Variants in MTA3 observed in about 807,000 individuals in gnomAD.
MTA3 encodes the protein metastasis associated 1 family member 3, also known as metastasis-associated protein MTA3.
Under a neutral mutation model 83.5 loss-of-function variants are expected in MTA3, and 34 were observed. That is an observed-to-expected ratio of 0.41 (90% CI 0.31 to 0.54). The LOEUF (loss-of-function observed/expected upper bound fraction) is 0.54, where lower values mean the gene tolerates loss of function less well. MTA3 is among the 20% of genes least tolerant of loss of function. The pLI is 0.33. For synonymous variants in MTA3, 303 were observed against 252.7 expected (o/e 1.20, Z -1.89); for missense variants, 761 against 726.4 (o/e 1.05, Z -0.55).
At chr2:42,570,245 A>G (rs1210655846) in intron 1 of MTA3, among the ~76,000 whole-genome samples, 192 bp from the exon 2 acceptor site, 1 of 152,194 alleles carries the variant, frequency 6.6e-6, no homozygotes, top group Non-Finnish European at 1.5e-5. Context: ...TGAAAATGCC[A>G]AGAAAATAAA....
At chr2:42,506,315 G>GT (rs1333014490) in intron 2 of MTA3, among the ~76,000 whole-genome samples, 16 of 151,802 alleles carry the variant, frequency 1.1e-4, no homozygotes, top group Admixed American at 2.6e-4. Context: ...TCTGCATGTG[G>GT]TGGTACTCTA....
intron 16 of MTA3, among the ~76,000 whole-genome samples, chr2:42,732,007 G>A (rs550643947): frequency 6.6e-6 from 1 of 152,342 alleles, no homozygotes; most frequent in East Asian, 1.9e-4. Context: ...GATCTCCTTT[G>A]ACTCCGGGTC....
rs72874017 is a variant in MTA3 at position 42,654,028 on chromosome 2, A to G, written c.500-2172A>G. 5.3e-3 allele frequency among the ~76,000 whole-genome samples: 813 copies of G among 152,340 alleles called. 8 individuals are homozygous for G. Among genetic ancestry groups the G allele is most frequent in the African/African-American group, 0.018 (768 of 41,560 alleles). Reference sequence around the variant, plus strand: ...TTAACTGGTCTTTAAAAATGAACCTAATGTTGAGTGTCTTGTCTTGGCATG... The same window carrying G: ...TTAACTGGTCTTTAAAAATGAACCTGATGTTGAGTGTCTTGTCTTGGCATG... On this transcript the variant is annotated intron_variant, in intron 6 of 16. Transcript: ENST00000405094.
intron 16 of MTA3, among the ~76,000 whole-genome samples, chr2:42,725,370 G>C (rs551701407): frequency 3.3e-5 from 5 of 152,186 alleles, no homozygotes; most frequent in African/African-American, 4.8e-5. Flanking sequence ...GAATCTTCTC[G>C]TTTAACCACT....
chr2:42,732,912 A>G (rs1668334298), intron 16 of MTA3, among the ~76,000 whole-genome samples: 1 of 152,116 alleles, frequency 6.6e-6, no homozygotes, highest in African/African-American at 2.4e-5. Context: ...CCTCATCCCC[A>G]CCTGAGACCA....
chr2:42,729,839 G>C (rs886144527), intron 16 of MTA3, among the ~76,000 whole-genome samples: 1 of 152,150 alleles, frequency 6.6e-6, no homozygotes, highest in African/African-American at 2.4e-5. Context: ...AACATCATTG[G>C]TATTTTGATA....
intron 3 of MTA3, among the ~76,000 whole-genome samples, chr2:42,581,320 C>A (rs79122254): frequency 2.9e-4 from 42 of 144,448 alleles, no homozygotes; most frequent in African/African-American, 9.5e-4. Flanking sequence ...ACAAAGTGTT[C>A]GGATTACAGG....
At chr2:42,587,272 A>G (rs1680449336) in intron 3 of MTA3, among the ~76,000 whole-genome samples, 1 of 152,162 alleles carries the variant, frequency 6.6e-6, no homozygotes, top group Non-Finnish European at 1.5e-5. Flanking sequence ...TGATTGCGCC[A>G]CTGCACTCCA....
chr2:42,592,911 G>A (rs1485124130), intron 3 of MTA3, among the ~76,000 whole-genome samples: 2 of 152,138 alleles, frequency 1.3e-5, no homozygotes, highest in African/African-American at 2.4e-5. Flanking sequence ...ACCACTTGGG[G>A]AGGCTGAGGT....
intron 9 of MTA3, among the ~76,000 whole-genome samples, chr2:42,687,841 G>T (rs1692526139): frequency 1.3e-5 from 2 of 152,148 alleles, no homozygotes; most frequent in African/African-American, 4.8e-5. Flanking sequence ...TGCTGGGACT[G>T]CAGTTGCTCT....
chr2:42,627,973 C>T (rs936038409), intron 4 of MTA3, among the ~76,000 whole-genome samples: 1 of 151,840 alleles, frequency 6.6e-6, no homozygotes, highest in African/African-American at 2.4e-5. Flanking sequence ...CAATCTCCGA[C>T]TCCCGGGTTC....
intron 3 of MTA3, among the ~76,000 whole-genome samples, chr2:42,599,984 C>G (rs1381411086): frequency 4.0e-5 from 6 of 151,498 alleles, no homozygotes; most frequent in African/African-American, 1.5e-4. Flanking sequence ...ATCACGAGGT[C>G]AGGAGATTGA....
rs1188920752 is a variant in MTA3, at chr2:42,756,195, G to C, written c.*2796G>C. The stretch of plus-strand genomic sequence containing the variant: ...CACCAGGGGAGGACGCGTCACCAGA[G>C]CCTGGGGCCAAGGCCACTGGGGGAC... On this transcript the variant is annotated 3_prime_UTR_variant, in exon 17 of 17. Transcript: ENST00000405094. 2 of 253,970 alleles carry C rather than the reference G, an allele frequency of 7.9e-6. No individual in the cohort carries two copies. The highest frequency in any genetic ancestry group is 4.6e-5 in the African/African-American group (2 of 43,348). The allele number at this position is 253,970 out of a possible 1,614,324, so 15.7% of individuals were successfully genotyped here.
intron 5 of MTA3, among the ~76,000 whole-genome samples, chr2:42,640,707 T>G (rs1241937249): frequency 6.6e-6 from 1 of 152,218 alleles, no homozygotes; most frequent in Admixed American, 6.5e-5. Flanking sequence ...AGAAATGTAG[T>G]TAACAAGTTG....
At chr2:42,709,407 A>T (rs3816186) in intron 14 of MTA3, 4 of 759,204 alleles carry the variant, frequency 5.3e-6, no homozygotes, top group Non-Finnish European at 5.3e-6. Context: ...GCCCTTATTG[A>T]AGCACTTTTA....
chr2:42,583,019 A>G (rs1466445273), intron 3 of MTA3, among the ~76,000 whole-genome samples: 6 of 152,240 alleles, frequency 3.9e-5, no homozygotes, highest in Admixed American at 2.6e-4. Flanking sequence ...TCTCATCTGT[A>G]AAATAGAGAG....
intron 4 of MTA3, among the ~76,000 whole-genome samples, chr2:42,630,602 A>G (rs1277975452): frequency 6.6e-6 from 1 of 152,130 alleles, no homozygotes; most frequent in Non-Finnish European, 1.5e-5. Context: ...GATCTGCCTC[A>G]TTCTTTTTTA....
At chr2:42,581,462 G>A (rs1238660510) in intron 3 of MTA3, among the ~76,000 whole-genome samples, 1 of 142,350 alleles carries the variant, frequency 7.0e-6, no homozygotes, top group Non-Finnish European at 1.5e-5. Flanking sequence ...CTTGAATCAA[G>A]CCTTGGCTCA....
At chr2:42,657,710 T>A (rs1161829815) in intron 7 of MTA3, among the ~76,000 whole-genome samples, 1 of 150,622 alleles carries the variant, frequency 6.6e-6, no homozygotes, top group Non-Finnish European at 1.5e-5. Flanking sequence ...GGAGGATTGT[T>A]TGAGTCCAGG....
Sources: gnomAD v4.1 joint callset for allele counts (sites outside exome capture counted in the v4.1 genomes callset) on GRCh38, gnomAD v4.1.1 for gene constraint, MANE v1.5 for transcripts, NCBI Gene and HGNC (gene_info 2026-07-23, HGNC 2026-07-21) for gene names.